Variants in LYZL1 observed in about 807,000 individuals in gnomAD.
LYZL1 encodes the protein lysozyme like 1.
LYZL1 carries 16 observed loss-of-function variants against 17.9 expected under a neutral mutation model. The observed-to-expected ratio is 0.90, with a 90% CI of 0.61 to 1.36. The LOEUF is 1.36. Among genes scored for constraint, LYZL1 ranks in the 40% most tolerant of loss-of-function variants. LYZL1 has a pLI of 0.00. For missense variants in LYZL1, 149 were observed against 188.4 expected (o/e 0.79, Z 1.22); for synonymous variants, 58 against 71.8 (o/e 0.81, Z 0.97).
At chr10:29,310,878 C>A in intron 4 of LYZL1, 112 bp from the exon 5 acceptor site, 19 of 1,543,426 alleles carry the variant, frequency 1.2e-5, no homozygotes, top group Non-Finnish European at 1.7e-5. Context: ...GCAAATGAAA[C>A]CCAACCCAGG....
At chr10:29,317,368 T>C (rs1292534235) in exon 4 of LYZL1, 1 of 152,236 alleles carries the variant, frequency 6.6e-6, no homozygotes. Flanking sequence ...TTGGCTACTT[T>C]AGAAGTCAAA....
chr10:29,315,274 C>G (rs1436185916), downstream of LYZL1, among the ~76,000 whole-genome samples: 1 of 151,916 alleles, frequency 6.6e-6, no homozygotes, highest in Non-Finnish European at 1.5e-5. Flanking sequence ...CTTTGGTAGG[C>G]CAAGGTGGGC....
At chr10:29,316,689 T>C (rs949369729) in intron 3 of LYZL1, among the ~76,000 whole-genome samples, 1 of 150,612 alleles carries the variant, frequency 6.6e-6, no homozygotes, top group African/African-American at 2.4e-5. Flanking sequence ...TTTTTTTTTC[T>C]TTTTCTTTTT....
At chr10:29,303,765 C>A (rs1211221506) in intron 3 of LYZL1, among the ~76,000 whole-genome samples, 1 of 152,084 alleles carries the variant, frequency 6.6e-6, no homozygotes, top group African/African-American at 2.4e-5. Context: ...TAGCCTCAGG[C>A]CAGAGAGTTT....
At chr10:29,302,618 C>T (rs535395208) in intron 3 of LYZL1, among the ~76,000 whole-genome samples, 14 of 152,162 alleles carry the variant, frequency 9.2e-5, no homozygotes, top group Non-Finnish European at 1.3e-4. Flanking sequence ...ATGAGCAAAG[C>T]GTGAGTTTGA....
At chr10:29,316,818 G>A (rs964980294) in intron 3 of LYZL1, among the ~76,000 whole-genome samples, 8 of 151,008 alleles carry the variant, frequency 5.3e-5, no homozygotes, top group African/African-American at 1.7e-4. Context: ...TCAGGCTCAA[G>A]TGAGCCTCCC....
At chr10:29,297,161 A>T (rs1835457804) in intron 3 of LYZL1, among the ~76,000 whole-genome samples, 1 of 152,116 alleles carries the variant, frequency 6.6e-6, no homozygotes, top group African/African-American at 2.4e-5. Context: ...ACAATATGAT[A>T]CAGAAATGGA....
At chr10:29,300,883 A>G (rs915738427) in intron 3 of LYZL1, among the ~76,000 whole-genome samples, 24 of 152,268 alleles carry the variant, frequency 1.6e-4, no homozygotes, top group African/African-American at 5.5e-4. Flanking sequence ...GTGCAGTGGC[A>G]TGATCACAGT....
At chr10:29,298,587 C>CA (rs1330917634) in intron 3 of LYZL1, among the ~76,000 whole-genome samples, 1 of 152,088 alleles carries the variant, frequency 6.6e-6, no homozygotes, top group Admixed American at 6.5e-5. Flanking sequence ...CCCTCTCTCA[C>CA]AAAACCGTAG....
chr10:29,315,847 T>C (rs1835724221), downstream of LYZL1, among the ~76,000 whole-genome samples: 1 of 139,310 alleles, frequency 7.2e-6, no homozygotes, highest in Non-Finnish European at 1.5e-5. Context: ...AAACACTGTC[T>C]CAAAAAAAAA....
At chr10:29,302,880 T>C (rs1276704227) in intron 3 of LYZL1, among the ~76,000 whole-genome samples, 1 of 152,198 alleles carries the variant, frequency 6.6e-6, no homozygotes, top group Non-Finnish European at 1.5e-5. Flanking sequence ...TCCAACCAGC[T>C]AAGTTTATTC....
At chr10:29,300,547 A>G (rs1409851762) in intron 3 of LYZL1, among the ~76,000 whole-genome samples, 1 of 152,120 alleles carries the variant, frequency 6.6e-6, no homozygotes, top group African/African-American at 2.4e-5. Context: ...AATGAGAAAA[A>G]AGTTCTATAA....
rs370681782 is a variant in LYZL1 at position 29,292,665 on chromosome 10, G to A, written c.286G>A (p.Val96Ile). The A allele has an allele frequency of 1.5e-5, 24 of 1,613,762 alleles. 1 individual carries two copies. In the African/African-American group the frequency reaches 2.9e-4, roughly 20 times the overall value. The change falls in exon 3 of 5, where the codon GTC becomes ATC. Residue 96 changes from valine (V) to isoleucine (I), a missense_variant. Around this residue, in one of 2 missense-constraint regions of LYZL1, gnomAD observed 130 missense variants for 132.5 expected, o/e 0.98. Coordinates refer to ENST00000649382, the MANE Select transcript of LYZL1 (RefSeq NM_032517.6). ...GCTGAAGGAGAACAACCACTGCCAT[G>A]TCGCCTGCTCAGGTGAGGCTCTGAC... Reference protein sequence around the residue: ...GKLKENNHCHVACSALITDDL... With the variant: ...GKLKENNHCHIACSALITDDL...
At chr10:29,292,062 T>C in intron 2 of LYZL1, 56 bp downstream of exon 2, 4 of 1,527,746 alleles carry the variant, frequency 2.6e-6, no homozygotes. Context: ...CCTGAGATGT[T>C]GAAGGTCCTG....
intron 3 of LYZL1, among the ~76,000 whole-genome samples, chr10:29,294,052 T>C (rs901193879): frequency 3.3e-5 from 5 of 150,590 alleles, no homozygotes; most frequent in African/African-American, 1.2e-4. Context: ...ACTTAGAAGA[T>C]AGGGAAGATT....
At position 29,304,979 on chromosome 10, in the gene LYZL1, C is replaced by T. The variant is rs117089876; in HGVS notation, c.299-5131C>T. On this transcript the variant is annotated intron_variant, in intron 3 of 4. Transcript: ENST00000649382. ...CGTCCCAGAAATCCTTACAGGGCAT[C>T]CACAATCAAACTGCCCTGCCCCTAG... Among the ~76,000 whole-genome samples the T allele has an allele frequency of 3.8e-3, 585 of 152,310 alleles. 4 individuals carry two copies. Among genetic ancestry groups the T allele is most frequent in the Non-Finnish European group, 7.1e-3 (482 of 68,022 alleles).
At chr10:29,293,526 T>C (rs1835405722) in intron 3 of LYZL1, among the ~76,000 whole-genome samples, 1 of 152,168 alleles carries the variant, frequency 6.6e-6, no homozygotes, top group South Asian at 2.1e-4. Flanking sequence ...GAGCACAGCA[T>C]TGAGGATAAC....
chr10:29,297,661 A>G (rs555846813), intron 3 of LYZL1, among the ~76,000 whole-genome samples: 72 of 152,308 alleles, frequency 4.7e-4, no homozygotes, highest in African/African-American at 1.6e-3. Context: ...TGTCTCAGTT[A>G]TCTGCCTTAA....
rs993474176 is a variant in LYZL1, at chr10:29,289,334, G to T, written c.-26+104G>T. ...ATTGCTGCGGGTTTTCTTTGGACTTGTTTGAGATCAGTAAAATTCTAAGGC... is the reference window on the plus strand; with the variant it reads ...ATTGCTGCGGGTTTTCTTTGGACTTTTTTGAGATCAGTAAAATTCTAAGGC... On this transcript the variant is annotated intron_variant, in intron 1 of 4. Transcript: ENST00000649382. The T allele has an allele frequency of 9.0e-6, 8 of 884,406 alleles. No individual in the cohort carries two copies. The Admixed American group carries it at 1.0e-4, about 11-fold the overall frequency. 54.8% of individuals were successfully genotyped at this position (884,406 alleles called of 1,614,324 possible). A position where few individuals can be genotyped will look rare whatever the true frequency, so the allele number is the denominator to read the frequency against.
Sources: gnomAD v4.1 joint callset for allele counts (sites outside exome capture counted in the v4.1 genomes callset) on GRCh38, gnomAD v4.1.1 for gene constraint, gnomAD v4.1.1 regional missense constraint, MANE v1.5 for transcripts, NCBI Gene and HGNC (gene_info 2026-07-23, HGNC 2026-07-21) for gene names.